Variants in TNR observed in about 807,000 individuals in gnomAD.
The protein encoded by TNR is tenascin R.
A neutral mutation model predicts 150.4 loss-of-function variants in TNR; 45 were observed. The ratio of observed to expected loss-of-function variants is 0.30; its 90% CI spans 0.24 to 0.38. The LOEUF (loss-of-function observed/expected upper bound fraction) is 0.38, where lower values mean the gene tolerates loss of function less well. Ranked by LOEUF, TNR falls within the 10% of genes least tolerant of loss-of-function variation. The probability of loss-of-function intolerance (pLI) is 1.00; values close to 1 mark genes in which losing one functional copy is unlikely to be tolerated. For missense variants in TNR, 1,544 were observed against 1,759.1 expected, an observed-to-expected ratio of 0.88 and a Z score of 2.19; for synonymous variants, 687 against 678.4, an observed-to-expected ratio of 1.01 and a Z score of -0.20.
intron 4 of TNR, among the ~76,000 whole-genome samples, chr1:175,400,211 C>CA (rs3216194): frequency 0.81 from 122,628 of 152,150 alleles, 49,495 homozygotes; most frequent in East Asian, 0.9. Flanking sequence ...GCTTTCATAT[C>CA]AAAGGCTACT....
intron 1 of TNR, among the ~76,000 whole-genome samples, chr1:175,708,185 A>G (rs898942747): frequency 1.3e-5 from 2 of 152,236 alleles, no homozygotes; most frequent in Non-Finnish European, 2.9e-5. Flanking sequence ...AGGCAGAGCC[A>G]TAGCCACAGG....
Position 175,364,624 on chromosome 1 carries a change from C to A in TNR, c.2587+386G>T, listed in dbSNP as rs192996152. 4.6e-5 allele frequency among the ~76,000 whole-genome samples: 7 copies of A among 152,310 alleles called. No homozygotes were observed. The Middle Eastern group carries it at 0.02, about 444-fold the overall frequency. On this transcript the variant is annotated intron_variant, in intron 12 of 22. Coordinates refer to ENST00000367674, the MANE Select transcript of TNR (RefSeq NM_003285.3). ...GTGAGACTAAGGAAGCATTATTGTACGAGTGAACTTTCTGGGCAGTTAAGA... is the reference window on the plus strand; with the variant it reads ...GTGAGACTAAGGAAGCATTATTGTAAGAGTGAACTTTCTGGGCAGTTAAGA...
At chr1:175,602,337 G>T (rs1434410912) in intron 1 of TNR, among the ~76,000 whole-genome samples, 8 of 151,722 alleles carry the variant, frequency 5.3e-5, no homozygotes, top group Non-Finnish European at 7.4e-5. Context: ...AGATTCCCTG[G>T]CTCCATTCCC....
intron 1 of TNR, among the ~76,000 whole-genome samples, chr1:175,719,665 G>T (rs1299820581): frequency 6.6e-6 from 1 of 152,208 alleles, no homozygotes; most frequent in African/African-American, 2.4e-5. Context: ...TCACAGTCTT[G>T]CAGGAAAGAT....
At chr1:175,396,444 G>T in intron 5 of TNR, 100 bp downstream of exon 5, 1 of 1,421,942 alleles carries the variant, frequency 7.0e-7, no homozygotes, top group Non-Finnish European at 9.6e-7. Flanking sequence ...ACTATTCCAG[G>T]CATCCCTGAA....
chr1:175,661,512 G>T (rs921905062), intron 1 of TNR, among the ~76,000 whole-genome samples: 2 of 152,152 alleles, frequency 1.3e-5, no homozygotes, highest in African/African-American at 4.8e-5. Context: ...GAGAGAAAAG[G>T]GTTTCTAGAC....
At position 175,490,027 on chromosome 1, in the gene TNR, C is replaced by T. The variant is rs12083001; in HGVS notation, c.-64+38242G>A. On this transcript the variant is annotated intron_variant, in intron 2 of 22. Coordinates refer to ENST00000367674, the MANE Select transcript of TNR (RefSeq NM_003285.3). ...CATGCTATTGGTACAAAAACAGACA[C>T]GCAGACCAATGGAACAAAATAGAGA... Among the ~76,000 whole-genome samples, 1,163 of 152,186 alleles carry T rather than the reference C, an allele frequency of 7.6e-3. 14 individuals are homozygous for T. Among genetic ancestry groups the T allele is most frequent in the African/African-American group, 0.027 (1,105 of 41,496 alleles).
intron 1 of TNR, among the ~76,000 whole-genome samples, chr1:175,598,585 G>A (rs1359665080): frequency 2.6e-5 from 4 of 152,222 alleles, no homozygotes; most frequent in South Asian, 2.1e-4. Flanking sequence ...GAAGGCATGC[G>A]TGAAATGGCA....
intron 1 of TNR, among the ~76,000 whole-genome samples, chr1:175,733,931 A>T (rs1385993001): frequency 1.9e-5 from 1 of 53,448 alleles, no homozygotes; most frequent in Non-Finnish European, 3.5e-5. Flanking sequence ...GTCAGTTATG[A>T]GGACATAGCC....
chr1:175,541,290 A>G (rs76024496), intron 1 of TNR, among the ~76,000 whole-genome samples: 1 of 152,210 alleles, frequency 6.6e-6, no homozygotes. Flanking sequence ...GAGAGGGTCA[A>G]TAAGTATTAA....
At chr1:175,382,886 G>T (rs1652750025) in intron 8 of TNR, among the ~76,000 whole-genome samples, 1 of 150,254 alleles carries the variant, frequency 6.7e-6, no homozygotes, top group South Asian at 2.1e-4. Context: ...GGGTGACAGA[G>T]TGAGACTCCA....
chr1:175,505,872 C>A (rs1658939722), intron 2 of TNR, among the ~76,000 whole-genome samples: 1 of 146,820 alleles, frequency 6.8e-6, no homozygotes, highest in Admixed American at 6.9e-5. Flanking sequence ...AAAACCCTGT[C>A]TCTACTAAAA....
At chr1:175,429,070 G>A (rs999573956) in intron 2 of TNR, among the ~76,000 whole-genome samples, 1 of 152,122 alleles carries the variant, frequency 6.6e-6, no homozygotes, top group Admixed American at 6.5e-5. Context: ...TCCTCAGAAG[G>A]ATATTTTCAT....
At chr1:175,602,610 C>T (rs1255271469) in intron 1 of TNR, among the ~76,000 whole-genome samples, 1 of 152,220 alleles carries the variant, frequency 6.6e-6, no homozygotes, top group Non-Finnish European at 1.5e-5. Flanking sequence ...AGGAATAATA[C>T]AAATAATGGC....
At chr1:175,403,055 A>T in intron 4 of TNR, 85 bp downstream of exon 4, 2 of 1,183,572 alleles carry the variant, frequency 1.7e-6, no homozygotes, top group South Asian at 1.4e-5. Context: ...TTTCTCACTC[A>T]TCTTTCTTCC....
At chr1:175,605,848 G>A (rs77957413) in intron 1 of TNR, among the ~76,000 whole-genome samples, 3,282 of 152,204 alleles carry the variant, frequency 0.022, 58 homozygotes, top group Non-Finnish European at 0.034. Flanking sequence ...TCCCTGCCTG[G>A]TTGTCCTCAC....
rs146098419 is a variant in TNR at position 175,562,328 on chromosome 1, TC to T, written c.-164-33960del. Among the ~76,000 whole-genome samples, 1,198 of 152,324 alleles carry T rather than the reference TC, an allele frequency of 7.9e-3. 15 individuals are homozygous for T. The highest frequency in any genetic ancestry group is 0.027 in the African/African-American group (1,136 of 41,556). On this transcript the variant is annotated intron_variant, in intron 1 of 22. Transcript: ENST00000367674. Reference sequence around the variant, plus strand: ...ACCCTCACCATCATTCAATAAATGCTCAACTCAGACACATTTATATGCCCAA... The same window carrying T: ...ACCCTCACCATCATTCAATAAATGCTAACTCAGACACATTTATATGCCCAA...
rs760394490 is a variant in TNR, at chr1:175,379,511, C to T, written c.1963+41G>A. On this transcript the variant is annotated intron_variant, in intron 9 of 22. Transcript: ENST00000367674. The stretch of plus-strand genomic sequence containing the variant: ...GGGGAGACAGCTGTGAGGGTATAGA[C>T]TCAGCAACCAGCATAACCCCAAGAG... 1.1e-5 allele frequency: 17 copies of T among 1,580,302 alleles called. No homozygotes were observed. The South Asian group carries it at 1.8e-4, about 17-fold the overall frequency.
intron 2 of TNR, among the ~76,000 whole-genome samples, chr1:175,431,393 G>A (rs538372795): frequency 8.5e-5 from 13 of 152,280 alleles, no homozygotes; most frequent in Admixed American, 5.2e-4. Context: ...GTCCTTGGTG[G>A]TGATAATAAT....
Sources: gnomAD v4.1 joint callset for allele counts (sites outside exome capture counted in the v4.1 genomes callset) on GRCh38, gnomAD v4.1.1 for gene constraint, MANE v1.5 for transcripts, NCBI Gene and HGNC (gene_info 2026-07-23, HGNC 2026-07-21) for gene names.